The following SLC9A9 variants were observed in gnomAD, a reference collection of about 807,000 sequenced individuals.
The protein encoded by SLC9A9 is solute carrier family 9 member A9.
SLC9A9 carries 62 observed loss-of-function variants against 77.8 expected under a neutral mutation model. That is an observed-to-expected ratio of 0.80 (90% CI 0.65 to 0.98). The LOEUF is 0.98. Among genes scored for constraint, SLC9A9 ranks in the 50% least tolerant of loss-of-function variants. The pLI is 0.00. For missense variants in SLC9A9, 775 were observed against 774.9 expected, an observed-to-expected ratio of 1.00 and a Z score of 0.00; for synonymous variants, 320 against 283.5, an observed-to-expected ratio of 1.13 and a Z score of -1.29.
At chr3:143,302,120 A>G (rs1434545531) in intron 14 of SLC9A9, among the ~76,000 whole-genome samples, 1 of 152,218 alleles carries the variant, frequency 6.6e-6, no homozygotes, top group African/African-American at 2.4e-5. Flanking sequence ...CACCTTTGTC[A>G]CAGCGGGCCA....
intron 12 of SLC9A9, among the ~76,000 whole-genome samples, chr3:143,445,857 T>C (rs1328838754): frequency 6.6e-6 from 1 of 152,134 alleles, no homozygotes; most frequent in Non-Finnish European, 1.5e-5. Context: ...GATTGTCCAA[T>C]AAAATGCAAA....
At chr3:143,366,161 C>T (rs535334537) in intron 13 of SLC9A9, among the ~76,000 whole-genome samples, 134 of 152,334 alleles carry the variant, frequency 8.8e-4, no homozygotes, top group African/African-American at 3.0e-3. Context: ...AGCCAGTCTG[C>T]AGCACTGCAG....
chr3:143,648,865 C>T lies in SLC9A9; in HGVS notation c.755+3390G>A, dbSNP rs546206427. Among the ~76,000 whole-genome samples, 214 of 152,208 alleles carry T rather than the reference C, an allele frequency of 1.4e-3. 1 individual carries two copies. Among genetic ancestry groups the T allele is most frequent in the Non-Finnish European group, 2.3e-3 (154 of 68,012 alleles). ...AACAAAAATTCTTCGTCAAATCTCCCGAAGAGACAGCCCTGGGAAATGCTG... is the reference window on the plus strand; with the variant it reads ...AACAAAAATTCTTCGTCAAATCTCCTGAAGAGACAGCCCTGGGAAATGCTG... On this transcript the variant is annotated intron_variant, in intron 6 of 15. Transcript: ENST00000316549.
At chr3:143,493,295 C>G (rs2035779630) in intron 11 of SLC9A9, among the ~76,000 whole-genome samples, 1 of 152,106 alleles carries the variant, frequency 6.6e-6, no homozygotes, top group Non-Finnish European at 1.5e-5. Context: ...AGAGTGGCAC[C>G]ATTTACACAC....
chr3:143,305,286 C>T (rs2030732646), intron 14 of SLC9A9, among the ~76,000 whole-genome samples: 1 of 152,192 alleles, frequency 6.6e-6, no homozygotes. Context: ...ATCGCAGTCA[C>T]TTGGTTAGAT....
At chr3:143,700,963 G>T (rs1243718924) in intron 4 of SLC9A9, among the ~76,000 whole-genome samples, 3 of 152,204 alleles carry the variant, frequency 2.0e-5, no homozygotes, top group Non-Finnish European at 4.4e-5. Context: ...ACAGAGCAAG[G>T]CTCCATTTGT....
chr3:143,759,356 T>A (rs2007034790), intron 4 of SLC9A9, among the ~76,000 whole-genome samples: 1 of 152,144 alleles, frequency 6.6e-6, no homozygotes, highest in Admixed American at 6.6e-5. Flanking sequence ...CTCAAGAATT[T>A]GGGATTAGTA....
chr3:143,477,816 C>T (rs957326034), intron 11 of SLC9A9, among the ~76,000 whole-genome samples: 26 of 152,130 alleles, frequency 1.7e-4, no homozygotes, highest in African/African-American at 5.6e-4. Context: ...CAGGTTATCC[C>T]TATTGACTCA....
intron 9 of SLC9A9, among the ~76,000 whole-genome samples, 153 bp downstream of exon 9, chr3:143,552,209 G>GA (rs1297010653): frequency 3.9e-5 from 6 of 152,114 alleles, no homozygotes; most frequent in East Asian, 3.9e-4. Flanking sequence ...ATCCTGGAGG[G>GA]AAAAAAATCT....
At chr3:143,840,109 ACCG>A (rs1371541297) in intron 1 of SLC9A9, among the ~76,000 whole-genome samples, 5 of 152,232 alleles carry the variant, frequency 3.3e-5, no homozygotes, top group Non-Finnish European at 7.3e-5. Flanking sequence ...AACACAGTTT[ACCG>A]GGCCGCACCC....
intron 6 of SLC9A9, among the ~76,000 whole-genome samples, chr3:143,611,806 T>A (rs971626117): frequency 6.6e-6 from 1 of 152,172 alleles, no homozygotes; most frequent in Non-Finnish European, 1.5e-5. Context: ...CGATCATGGC[T>A]CACTCCAGTC....
At chr3:143,351,823 C>A (rs573285835) in intron 14 of SLC9A9, among the ~76,000 whole-genome samples, 125 of 152,224 alleles carry the variant, frequency 8.2e-4, no homozygotes, top group Non-Finnish European at 1.5e-3. Context: ...ATCATTTTAA[C>A]TTTATGAAGC....
chr3:143,600,104 T>G (rs1306881846), intron 6 of SLC9A9, among the ~76,000 whole-genome samples: 3 of 152,134 alleles, frequency 2.0e-5, no homozygotes, highest in African/African-American at 7.2e-5. Flanking sequence ...TAGGCATACA[T>G]GTGACATGGT....
chr3:143,646,649 C>T (rs1298566524), intron 6 of SLC9A9, among the ~76,000 whole-genome samples: 1 of 152,128 alleles, frequency 6.6e-6, no homozygotes, highest in African/African-American at 2.4e-5. Context: ...TCAATGCATT[C>T]ATCTCCATGG....
intron 4 of SLC9A9, among the ~76,000 whole-genome samples, chr3:143,782,537 T>G (rs1258319662): frequency 6.6e-6 from 1 of 152,116 alleles, no homozygotes; most frequent in Non-Finnish European, 1.5e-5. Flanking sequence ...GCCTTCTCAC[T>G]TACAAAAAGG....
chr3:143,782,173 G>A (rs1334037152), intron 4 of SLC9A9, among the ~76,000 whole-genome samples: 1 of 152,148 alleles, frequency 6.6e-6, no homozygotes, highest in African/African-American at 2.4e-5. Flanking sequence ...AATTCATTTG[G>A]TTTAGTTTCA....
intron 12 of SLC9A9, among the ~76,000 whole-genome samples, chr3:143,418,779 G>GA (rs1236680503): frequency 6.6e-6 from 1 of 152,146 alleles, no homozygotes; most frequent in Non-Finnish European, 1.5e-5. Context: ...AATTTAAAGT[G>GA]AAAACAGAGG....
intron 13 of SLC9A9, among the ~76,000 whole-genome samples, chr3:143,374,518 C>G (rs1212384196): frequency 1.2e-4 from 18 of 150,574 alleles, no homozygotes; most frequent in African/African-American, 3.9e-4. Context: ...AGACAACCAT[C>G]AAACCAGAAT....
chr3:143,563,375 T>A (rs1257160663), intron 8 of SLC9A9, among the ~76,000 whole-genome samples: 1 of 152,226 alleles, frequency 6.6e-6, no homozygotes, highest in Non-Finnish European at 1.5e-5. Context: ...ACTATGTCTA[T>A]TTACTTGTTG....
Sources: gnomAD v4.1 joint callset for allele counts (sites outside exome capture counted in the v4.1 genomes callset) on GRCh38, gnomAD v4.1.1 for gene constraint, MANE v1.5 for transcripts, NCBI Gene and HGNC (gene_info 2026-07-23, HGNC 2026-07-21) for gene names.